The following SH3RF2 variants were observed in gnomAD, a reference collection of about 807,000 sequenced individuals.
The protein encoded by SH3RF2 is SH3 domain containing ring finger 2.
In SH3RF2, 43 loss-of-function variants were observed where a neutral mutation model predicts 59.0. That is an observed-to-expected ratio of 0.73 (90% confidence interval 0.57 to 0.94). The LOEUF (loss-of-function observed/expected upper bound fraction) is 0.94. Ranked by LOEUF, SH3RF2 falls within the 40% of genes least tolerant of loss-of-function variation. The pLI is 0.00. For synonymous variants in SH3RF2, 391 were observed against 391.5 expected (o/e 1.00, Z 0.01); for missense variants, 930 against 940.1 (o/e 0.99, Z 0.14).
At chr5:146,016,606 T>C (rs1205930227) in intron 5 of SH3RF2, among the ~76,000 whole-genome samples, 1 of 152,138 alleles carries the variant, frequency 6.6e-6, no homozygotes, top group Non-Finnish European at 1.5e-5. Context: ...TTAAGCCAAG[T>C]TCGTGTAATT....
intron 4 of SH3RF2, among the ~76,000 whole-genome samples, chr5:146,009,472 C>T (rs1396303967): frequency 6.6e-6 from 1 of 152,180 alleles, no homozygotes; most frequent in Non-Finnish European, 1.5e-5. Context: ...TATGGTGCCT[C>T]TTCTGGGCAT....
chr5:145,968,899 G>C (rs1758961465), intron 2 of SH3RF2, among the ~76,000 whole-genome samples: 1 of 152,124 alleles, frequency 6.6e-6, no homozygotes, highest in African/African-American at 2.4e-5. Context: ...AGAAGAGAAA[G>C]GAAATGAGAT....
chr5:145,978,968 C>T (rs1759406488), intron 2 of SH3RF2, among the ~76,000 whole-genome samples: 1 of 152,168 alleles, frequency 6.6e-6, no homozygotes, highest in Non-Finnish European at 1.5e-5. Flanking sequence ...GATTGGGTTC[C>T]TGTTTTCCTG....
intron 5 of SH3RF2, among the ~76,000 whole-genome samples, chr5:146,030,414 C>A (rs1761699919): frequency 6.6e-6 from 1 of 152,136 alleles, no homozygotes; most frequent in African/African-American, 2.4e-5. Flanking sequence ...CTACTTTAAT[C>A]ATTTGTCTGC....
chr5:146,043,859 T>C (rs1226146110), intron 5 of SH3RF2: 1 of 152,226 alleles, frequency 6.6e-6, no homozygotes, highest in Non-Finnish European at 1.5e-5. Context: ...CACCAGGTGA[T>C]GGGCATTTGG....
At chr5:145,962,202 C>T (rs1758656173) in intron 2 of SH3RF2, among the ~76,000 whole-genome samples, 1 of 152,112 alleles carries the variant, frequency 6.6e-6, no homozygotes, top group African/African-American at 2.4e-5. Flanking sequence ...GTGGCCACCC[C>T]TAAAGCCAGA....
At chr5:145,949,696 C>T (rs1235157852) in intron 2 of SH3RF2, among the ~76,000 whole-genome samples, 1 of 152,288 alleles carries the variant, frequency 6.6e-6, no homozygotes, top group Admixed American at 6.5e-5. Context: ...TGGAAGAAGA[C>T]AGCAGTGTTC....
intron 5 of SH3RF2, chr5:146,043,210 C>T (rs956018188): frequency 1.3e-5 from 2 of 152,344 alleles, no homozygotes; most frequent in African/African-American, 2.4e-5. Flanking sequence ...ATCTTGTTCT[C>T]TTTTCCTGTC....
chr5:146,044,598 A>G (rs995739001), intron 5 of SH3RF2, among the ~76,000 whole-genome samples: 8 of 152,046 alleles, frequency 5.3e-5, no homozygotes, highest in African/African-American at 1.2e-4. Flanking sequence ...TTGTCTTCTT[A>G]TGAATGTATT....
chr5:146,061,769 A>G (rs1189625901), intron 9 of SH3RF2, among the ~76,000 whole-genome samples: 1 of 152,198 alleles, frequency 6.6e-6, no homozygotes, highest in Non-Finnish European at 1.5e-5. Flanking sequence ...ACTGCTTCTC[A>G]GGTCCAGCCA....
rs1004099171 is a variant in SH3RF2, at chr5:146,062,700, G to A, written c.2189G>A (p.Ter730=). 2 of 1,610,804 alleles carry A rather than the reference G, an allele frequency of 1.2e-6. No individual in the cohort carries two copies. Among genetic ancestry groups the A allele is most frequent in the Non-Finnish European group, 1.7e-6 (2 of 1,177,400 alleles). ...ACGCAGACCGTGTTTCCCAGCAAATGAACCTACGGGTGGCTTTTCCTAGAC... is the reference window on the plus strand; with the variant it reads ...ACGCAGACCGTGTTTCCCAGCAAATAAACCTACGGGTGGCTTTTCCTAGAC... ...SGTQTVFPSK[*] is the part of the protein sequence containing the mutation. Residue 730 remains the stop codon, a stop_retained_variant, in exon 10 of 10, where the codon TGA becomes TAA. Coordinates refer to ENST00000359120, the MANE Select transcript of SH3RF2 (RefSeq NM_152550.4).
At chr5:145,952,577 A>C (rs1249621264) in intron 2 of SH3RF2, among the ~76,000 whole-genome samples, 1 of 152,262 alleles carries the variant, frequency 6.6e-6, no homozygotes. Context: ...AGTGCTCACT[A>C]TGTGTCAGAC....
chr5:146,010,806 A>G (rs1760855547), intron 4 of SH3RF2, among the ~76,000 whole-genome samples: 2 of 152,108 alleles, frequency 1.3e-5, no homozygotes, highest in Admixed American at 1.3e-4. Flanking sequence ...TAGATTGCAA[A>G]AATTTTCTCC....
At chr5:146,015,228 A>G (rs1761057509) in intron 5 of SH3RF2, among the ~76,000 whole-genome samples, 1 of 152,100 alleles carries the variant, frequency 6.6e-6, no homozygotes, top group Admixed American at 6.5e-5. Flanking sequence ...ACCTCCTACA[A>G]CACTTCATAT....
chr5:146,055,801 G>T (rs1044312770), intron 7 of SH3RF2, 180 bp from the exon 8 acceptor site: 5 of 658,838 alleles, frequency 7.6e-6, no homozygotes, highest in African/African-American at 7.3e-5. Flanking sequence ...GGTGTAGGGA[G>T]GTGGGGCCAA....
intron 3 of SH3RF2, 113 bp downstream of exon 3, chr5:146,000,440 ATAT>A: frequency 1.2e-6 from 1 of 836,044 alleles, no homozygotes; most frequent in Non-Finnish European, 1.6e-6. Context: ...TAAATATATT[ATAT>A]TATTGTTAAT....
At chr5:146,077,658 C>T in intron 9 of SH3RF2, among the ~76,000 whole-genome samples, 1 of 152,156 alleles carries the variant, frequency 6.6e-6, no homozygotes, top group East Asian at 1.9e-4. Flanking sequence ...ATTAACTAGT[C>T]TACAGGTCTT....
chr5:145,973,331 G>A (rs1353757707), intron 2 of SH3RF2, among the ~76,000 whole-genome samples: 12 of 152,160 alleles, frequency 7.9e-5, no homozygotes. Context: ...AAAGAGTTCT[G>A]TATGGGAAAA....
At chr5:146,056,497 T>C (rs1181431179) in intron 8 of SH3RF2, among the ~76,000 whole-genome samples, 1 of 152,136 alleles carries the variant, frequency 6.6e-6, no homozygotes, top group Non-Finnish European at 1.5e-5. Flanking sequence ...CACTGGCTCT[T>C]ATTAAGACAC....
Sources: allele counts gnomAD v4.1 joint callset (sites outside exome capture counted in the v4.1 genomes callset), GRCh38; gene constraint gnomAD v4.1.1; transcripts MANE v1.5; gene names NCBI Gene and HGNC (gene_info 2026-07-23, HGNC 2026-07-21).